The following ARHGEF4 variants were observed in gnomAD, a reference collection of about 807,000 sequenced individuals.
ARHGEF4 encodes the protein APC-stimulated guanine nucleotide exchange factor 1.
In ARHGEF4, 119 loss-of-function variants were observed where a neutral mutation model predicts 162.0. The observed-to-expected ratio is 0.73, with a 90% CI of 0.63 to 0.86. The LOEUF (loss-of-function observed/expected upper bound fraction) is 0.86. Among genes scored for constraint, ARHGEF4 ranks in the 40% least tolerant of loss-of-function variants. The pLI, the probability that ARHGEF4 is intolerant of heterozygous loss-of-function variation, is 0.00. For missense variants in ARHGEF4, 2,488 were observed against 2,456.0 expected (o/e 1.01, Z -0.28); for synonymous variants, 1,014 against 979.9 (o/e 1.03, Z -0.65).
chr2:130,895,887 T>C (rs1320404519), intron 1 of ARHGEF4, among the ~76,000 whole-genome samples: 2 of 152,178 alleles, frequency 1.3e-5, no homozygotes, highest in Non-Finnish European at 2.9e-5. Flanking sequence ...GCTTTTTGAA[T>C]CTTATTTGTT....
intron 1 of ARHGEF4, among the ~76,000 whole-genome samples, chr2:130,855,785 G>A (rs939176246): frequency 2.6e-5 from 4 of 152,114 alleles, no homozygotes; most frequent in Non-Finnish European, 4.4e-5. Flanking sequence ...CGGCTAAGTC[G>A]TTATTGCTTA....
chr2:130,951,605 A>C (rs148680038), intron 4 of ARHGEF4, among the ~76,000 whole-genome samples: 1 of 151,914 alleles, frequency 6.6e-6, no homozygotes, highest in African/African-American at 2.4e-5. Context: ...TTATTGTTCT[A>C]TTCCTTCTTT....
chr2:130,933,462 A>G (rs1682760670), intron 3 of ARHGEF4, among the ~76,000 whole-genome samples: 2 of 152,200 alleles, frequency 1.3e-5, no homozygotes, highest in South Asian at 4.1e-4. Flanking sequence ...CAAAAAAATA[A>G]AGGCCCTTGG....
At chr2:130,871,762 C>T (rs1257801330) in intron 1 of ARHGEF4, among the ~76,000 whole-genome samples, 1 of 152,054 alleles carries the variant, frequency 6.6e-6, no homozygotes, top group East Asian at 1.9e-4. Context: ...AACTCAGGTC[C>T]ACTCTCCCCT....
intron 1 of ARHGEF4, among the ~76,000 whole-genome samples, chr2:130,894,863 C>G (rs541562492): frequency 6.6e-6 from 1 of 152,096 alleles, no homozygotes; most frequent in Non-Finnish European, 1.5e-5. Context: ...TGCCCTCCCC[C>G]ATTAGTTTCT....
intron 5 of ARHGEF4, among the ~76,000 whole-genome samples, chr2:131,031,750 C>T (rs1478873835): frequency 6.6e-6 from 1 of 152,228 alleles, no homozygotes; most frequent in Non-Finnish European, 1.5e-5. Context: ...CTAGGGCCTA[C>T]CCCCAAGGCC....
At chr2:131,003,891 G>A (rs185864659) in intron 4 of ARHGEF4, among the ~76,000 whole-genome samples, 32 of 152,238 alleles carry the variant, frequency 2.1e-4, no homozygotes, top group African/African-American at 7.2e-4. Context: ...GGGTAATAAC[G>A]ACCTGGAAAT....
chr2:131,040,647 C>T (rs562445475), intron 8 of ARHGEF4, among the ~76,000 whole-genome samples: 1 of 152,334 alleles, frequency 6.6e-6, no homozygotes, highest in South Asian at 2.1e-4. Flanking sequence ...AGTCAGGGAA[C>T]GCTCCTGGGA....
chr2:130,920,077 G>GT (rs887717927), intron 2 of ARHGEF4, among the ~76,000 whole-genome samples: 17 of 151,952 alleles, frequency 1.1e-4, no homozygotes, highest in African/African-American at 3.6e-4. Flanking sequence ...GTTTGTTGGG[G>GT]TTTTTTTTTG....
At chr2:130,991,694 C>G (rs951161641) in intron 4 of ARHGEF4, among the ~76,000 whole-genome samples, 1 of 152,236 alleles carries the variant, frequency 6.6e-6, no homozygotes, top group African/African-American at 2.4e-5. Flanking sequence ...GGGCAGGCCT[C>G]GGGACTGCAG....
At chr2:130,917,992 T>G (rs1681626215) in intron 2 of ARHGEF4, among the ~76,000 whole-genome samples, 1 of 152,030 alleles carries the variant, frequency 6.6e-6, no homozygotes, top group Admixed American at 6.6e-5. Flanking sequence ...TGGCTAATTT[T>G]TGTTATTTTA....
intron 1 of ARHGEF4, among the ~76,000 whole-genome samples, chr2:130,907,755 G>A (rs151177722): frequency 3.3e-5 from 5 of 151,398 alleles, no homozygotes; most frequent in Non-Finnish European, 5.9e-5. Flanking sequence ...AGATCGAGAC[G>A]ATCCTGGCTA....
chr2:130,849,604 T>C, intron 1 of ARHGEF4, among the ~76,000 whole-genome samples: 1 of 151,822 alleles, frequency 6.6e-6, no homozygotes, highest in Non-Finnish European at 1.5e-5. Flanking sequence ...AGTCTTGCTC[T>C]GTCACCCAGG....
chr2:130,869,091 C>A (rs1288581082), intron 1 of ARHGEF4, among the ~76,000 whole-genome samples: 2 of 152,220 alleles, frequency 1.3e-5, no homozygotes, highest in Non-Finnish European at 2.9e-5. Context: ...ACACAGACAT[C>A]TTGGGGGTCC....
chr2:130,995,346 C>A (rs1687307380), intron 4 of ARHGEF4, among the ~76,000 whole-genome samples: 1 of 152,160 alleles, frequency 6.6e-6, no homozygotes, highest in African/African-American at 2.4e-5. Context: ...TACTTTGACT[C>A]AAGAGCTTCC....
chr2:130,932,852 A>C (rs1386424426), intron 3 of ARHGEF4, among the ~76,000 whole-genome samples: 1 of 152,186 alleles, frequency 6.6e-6, no homozygotes, highest in Non-Finnish European at 1.5e-5. Context: ...GCGGATATGT[A>C]GTTACCCAAA....
intron 13 of ARHGEF4, 96 bp from the exon 14 acceptor site, chr2:131,045,942 A>G: frequency 3.3e-6 from 5 of 1,510,890 alleles, no homozygotes; most frequent in Non-Finnish European, 2.7e-6. Context: ...GCGGCTCTGA[A>G]GCAGAGCCCT....
chr2:130,939,436 T>C (rs946392361), intron 3 of ARHGEF4, among the ~76,000 whole-genome samples: 4 of 152,236 alleles, frequency 2.6e-5, no homozygotes, highest in African/African-American at 9.6e-5. Context: ...TGTTTGGTAC[T>C]GTCGATCCAT....
chr2:131,037,159 C>T (rs374279811), intron 5 of ARHGEF4, among the ~76,000 whole-genome samples: 11 of 152,300 alleles, frequency 7.2e-5, no homozygotes, highest in South Asian at 6.2e-4. Context: ...GTGGCTGCCG[C>T]GCTGTGAGGG....
Sources: gnomAD v4.1 joint callset for allele counts (sites outside exome capture counted in the v4.1 genomes callset) on GRCh38, gnomAD v4.1.1 for gene constraint, MANE v1.5 for transcripts, NCBI Gene and HGNC (gene_info 2026-07-23, HGNC 2026-07-21) for gene names.